Variants in IPO11 observed in about 807,000 individuals in gnomAD.
The protein encoded by IPO11 is importin 11, also known as importin-11.
IPO11 carries 66 observed loss-of-function variants against 143.2 expected under a neutral mutation model. The observed-to-expected ratio is 0.46, with a 90% confidence interval of 0.38 to 0.57. IPO11 has a LOEUF of 0.57. Among genes scored for constraint, IPO11 ranks in the 20% least tolerant of loss-of-function variants. The pLI, the probability that IPO11 is intolerant of heterozygous loss-of-function variation, is 0.00. For missense variants in IPO11, 1,026 were observed against 1,141.0 expected (o/e 0.90, Z 1.45); for synonymous variants, 385 against 377.8 (o/e 1.02, Z -0.22).
chr5:62,450,048 C>T (rs765579672), intron 4 of IPO11, 49 bp downstream of exon 4: 62 of 1,184,898 alleles, frequency 5.2e-5, no homozygotes, highest in Non-Finnish European at 7.1e-5. Context: ...TACTGCTTTT[C>T]CAAACTAATT....
chr5:62,603,121 C>G (rs1008723659), intron 29 of IPO11, among the ~76,000 whole-genome samples: 1 of 152,144 alleles, frequency 6.6e-6, no homozygotes, highest in African/African-American at 2.4e-5. Flanking sequence ...TTGATCTAAA[C>G]AAGAAGCTCC....
intron 21 of IPO11, among the ~76,000 whole-genome samples, chr5:62,527,735 C>T (rs1021677214): frequency 7.2e-5 from 11 of 152,038 alleles, no homozygotes; most frequent in African/African-American, 2.4e-4. Flanking sequence ...TAGTTACATG[C>T]TAATAAAAAT....
intron 21 of IPO11, among the ~76,000 whole-genome samples, 187 bp from the exon 22 acceptor site, chr5:62,530,522 C>A (rs1742509680): frequency 6.6e-6 from 1 of 152,180 alleles, no homozygotes; most frequent in Non-Finnish European, 1.5e-5. Flanking sequence ...AGAAATATTA[C>A]ATAATTTGCA....
intron 5 of IPO11, among the ~76,000 whole-genome samples, chr5:62,464,496 G>T (rs1466726737): frequency 1.3e-5 from 2 of 151,554 alleles, no homozygotes; most frequent in African/African-American, 4.8e-5. Flanking sequence ...TTGAGGCAGG[G>T]TCTCACTTTG....
At chr5:62,487,054 T>G (rs1292250516) in intron 12 of IPO11, among the ~76,000 whole-genome samples, 1 of 152,152 alleles carries the variant, frequency 6.6e-6, no homozygotes, top group Admixed American at 6.5e-5. Flanking sequence ...AAATTTTTTG[T>G]GGGTACATAG....
chr5:62,574,958 AT>A (rs949899497), intron 27 of IPO11, among the ~76,000 whole-genome samples: 4 of 152,320 alleles, frequency 2.6e-5, no homozygotes, highest in Admixed American at 2.6e-4. Flanking sequence ...CATAAAGTTT[AT>A]TTTTTATTCT....
At chr5:62,415,307 G>T (rs1052020000) in intron 1 of IPO11, among the ~76,000 whole-genome samples, 3 of 151,548 alleles carry the variant, frequency 2.0e-5, no homozygotes, top group African/African-American at 7.3e-5. Context: ...AGGATTACAG[G>T]TGCCTGCCAC....
intron 27 of IPO11, among the ~76,000 whole-genome samples, chr5:62,568,574 CAAAAAAA>C (rs66748975): frequency 1.9e-4 from 10 of 51,896 alleles, no homozygotes; most frequent in South Asian, 1.1e-3. Flanking sequence ...ACTCTGTCTC[CAAAAAAA>C]AAAAAAAAAA....
intron 1 of IPO11, among the ~76,000 whole-genome samples, chr5:62,417,619 T>C (rs2112089878): frequency 6.6e-6 from 1 of 152,336 alleles, no homozygotes; most frequent in South Asian, 2.1e-4. Flanking sequence ...TGCTCTCTTC[T>C]GAAAACCTTC....
At chr5:62,589,411 T>A (rs750365927) in intron 27 of IPO11, among the ~76,000 whole-genome samples, 4 of 152,156 alleles carry the variant, frequency 2.6e-5, no homozygotes, top group African/African-American at 4.8e-5. Flanking sequence ...CCCTATTGGA[T>A]TGAGCCGAAG....
intron 5 of IPO11, among the ~76,000 whole-genome samples, chr5:62,460,338 A>T (rs1244060396): frequency 6.6e-6 from 1 of 151,470 alleles, no homozygotes; most frequent in Non-Finnish European, 1.5e-5. Context: ...TTGACTTGTT[A>T]AAAAAAAACT....
rs558478187 is a variant in IPO11, at chr5:62,436,065, C to T, written c.-6-1209C>T. Among the ~76,000 whole-genome samples the T allele has an allele frequency of 2.6e-5, 4 of 152,242 alleles. No individual in the cohort carries two copies. In the South Asian group the frequency reaches 8.3e-4, roughly 32 times the overall value. ...AAATCAAATCTTAATCCAACTCTAT[C>T]AGTAACTTGGTATTTTTCAGATTCT... On this transcript the variant is annotated intron_variant, in intron 1 of 29. Coordinates refer to ENST00000325324, the MANE Select transcript of IPO11 (RefSeq NM_016338.5).
At chr5:62,576,807 A>G (rs1395177558) in intron 27 of IPO11, among the ~76,000 whole-genome samples, 1 of 152,242 alleles carries the variant, frequency 6.6e-6, no homozygotes, top group East Asian at 1.9e-4. Flanking sequence ...ATCCATACAG[A>G]TGATGTATAT....
Position 62,561,158 on chromosome 5 carries a change from T to C in IPO11, c.2483T>C (p.Met828Thr). Residue 828 changes from methionine to threonine, a missense_variant, in exon 27 of 30, where the codon ATG becomes ACG. This residue lies in a region of IPO11 where 351 missense variants were observed against 358.9 expected (regional missense o/e 0.98). Coordinates refer to ENST00000325324, the MANE Select transcript of IPO11 (RefSeq NM_016338.5). ...CAGATGGACCAGCTTTTGGGAAATA[T>C]GATTGAAATGTGGGTTGATCGAATG... The part of the protein sequence containing the change: ...NQEMDQLLGN[M>T]IEMWVDRMDN... 1 of 1,606,590 alleles carries C rather than the reference T, an allele frequency of 6.2e-7. No homozygotes were observed. Among genetic ancestry groups the C allele is most frequent in the Non-Finnish European group, 8.5e-7 (1 of 1,176,912 alleles).
chr5:62,459,900 A>G (rs1301040738), intron 5 of IPO11, among the ~76,000 whole-genome samples: 1 of 152,228 alleles, frequency 6.6e-6, no homozygotes, highest in African/African-American at 2.4e-5. Context: ...TAACCTTTTT[A>G]GTTATTGTTA....
chr5:62,529,478 T>C (rs1045148415), intron 21 of IPO11, among the ~76,000 whole-genome samples: 1 of 152,180 alleles, frequency 6.6e-6, no homozygotes. Flanking sequence ...ACATTTTATC[T>C]AATTTTATTT....
chr5:62,596,693 T>C (rs1398774161), intron 28 of IPO11, among the ~76,000 whole-genome samples: 1 of 152,204 alleles, frequency 6.6e-6, no homozygotes, highest in African/African-American at 2.4e-5. Flanking sequence ...TTCTGACATC[T>C]GTATATTATC....
At chr5:62,480,932 TG>T (rs765077293) in intron 9 of IPO11, among the ~76,000 whole-genome samples, 32,284 of 112,084 alleles carry the variant, frequency 0.29, 7,426 homozygotes, top group South Asian at 0.37. Flanking sequence ...TTTTTTTTTT[TG>T]GAGACAGAGT....
At chr5:62,476,411 T>C (rs1269762884) in intron 8 of IPO11, among the ~76,000 whole-genome samples, 1 of 152,226 alleles carries the variant, frequency 6.6e-6, no homozygotes, top group Non-Finnish European at 1.5e-5. Context: ...CATTTAGTTT[T>C]TAAATGTTAT....
Sources: gnomAD v4.1 joint callset for allele counts (sites outside exome capture counted in the v4.1 genomes callset) on GRCh38, gnomAD v4.1.1 for gene constraint, gnomAD v4.1.1 regional missense constraint, MANE v1.5 for transcripts, NCBI Gene and HGNC (gene_info 2026-07-23, HGNC 2026-07-21) for gene names.